ARHGEF37: variants seen among roughly 807,000 people sequenced by gnomAD.
ARHGEF37 encodes Rho guanine nucleotide exchange factor 37.
ARHGEF37 carries 55 observed loss-of-function variants against 71.1 expected under a neutral mutation model. That is an observed-to-expected ratio of 0.77 (90% CI 0.62 to 0.97). The LOEUF is 0.97. ARHGEF37 is among the 50% of genes least tolerant of loss of function. ARHGEF37 has a pLI of 0.00. For synonymous variants in ARHGEF37, 327 were observed against 350.6 expected, an observed-to-expected ratio of 0.93 and a Z score of 0.75; for missense variants, 765 against 836.8, an observed-to-expected ratio of 0.91 and a Z score of 1.06.
At chr5:149,600,646 T>TA (rs1484610534) in intron 2 of ARHGEF37, among the ~76,000 whole-genome samples, 6 of 148,320 alleles carry the variant, frequency 4.0e-5, no homozygotes. Flanking sequence ...AATACCTAAT[T>TA]TTTTTTTTTT....
chr5:149,623,904 G>C, intron 9 of ARHGEF37, 108 bp from the exon 10 acceptor site: 2 of 1,430,712 alleles, frequency 1.4e-6, no homozygotes, highest in Non-Finnish European at 1.9e-6. Context: ...TCAGGACAGA[G>C]TATCACTCAG....
chr5:149,560,820 A>G (rs1032238266), intron 1 of ARHGEF37, among the ~76,000 whole-genome samples: 6 of 152,326 alleles, frequency 3.9e-5, no homozygotes, highest in Middle Eastern at 3.4e-3. Context: ...TGAAGTAGAA[A>G]GAAGAAACTA....
chr5:149,621,605 C>G (rs1166445863), intron 8 of ARHGEF37, 128 bp from the exon 9 acceptor site: 1 of 855,676 alleles, frequency 1.2e-6, no homozygotes, highest in Non-Finnish European at 1.8e-6. Flanking sequence ...AGATAACATG[C>G]TAAAGGTCCC....
chr5:149,595,241 T>C (rs1233162846), intron 1 of ARHGEF37, among the ~76,000 whole-genome samples: 2 of 152,226 alleles, frequency 1.3e-5, no homozygotes, highest in Non-Finnish European at 2.9e-5. Context: ...AGTGGTGCAA[T>C]CTTGGCTTAC....
chr5:149,599,749 T>C (rs184454414), intron 2 of ARHGEF37, among the ~76,000 whole-genome samples: 15 of 152,346 alleles, frequency 9.8e-5, no homozygotes, highest in African/African-American at 3.4e-4. Flanking sequence ...CCCTAGCATT[T>C]GAACTCCATA....
chr5:149,613,096 T>C (rs1415949388), intron 4 of ARHGEF37, among the ~76,000 whole-genome samples: 1 of 152,238 alleles, frequency 6.6e-6, no homozygotes, highest in East Asian at 1.9e-4. Flanking sequence ...TCCAGAATGA[T>C]GGCTGAGGCA....
At chr5:149,572,293 G>A (rs1762977422) in intron 1 of ARHGEF37, among the ~76,000 whole-genome samples, 2 of 152,164 alleles carry the variant, frequency 1.3e-5, no homozygotes, top group East Asian at 1.9e-4. Flanking sequence ...ATCCTCTTAT[G>A]TAACATGGGA....
At chr5:149,557,237 C>G (rs188665640) in intron 1 of ARHGEF37, among the ~76,000 whole-genome samples, 1 of 152,182 alleles carries the variant, frequency 6.6e-6, no homozygotes, top group Non-Finnish European at 1.5e-5. Flanking sequence ...CATGCCATTA[C>G]GCCCGAGACC....
chr5:149,628,089 C>T (rs1752751889), intron 11 of ARHGEF37, among the ~76,000 whole-genome samples: 1 of 152,184 alleles, frequency 6.6e-6, no homozygotes, highest in Non-Finnish European at 1.5e-5. Context: ...AACAGCACTT[C>T]CATGACTTAA....
chr5:149,590,335 G>A (rs983375789), intron 1 of ARHGEF37, among the ~76,000 whole-genome samples: 3 of 148,594 alleles, frequency 2.0e-5, no homozygotes, highest in East Asian at 2.0e-4. Flanking sequence ...AGGCTGGAGT[G>A]CAGTGGCACA....
In ARHGEF37 at chr5:149,634,151, G is replaced by A. The variant is rs1157600904; in HGVS notation, c.*1960G>A. On this transcript the variant is annotated 3_prime_UTR_variant, in exon 13 of 13. Coordinates refer to ENST00000333677, the MANE Select transcript of ARHGEF37 (RefSeq NM_001001669.3). Reference sequence around the variant, plus strand: ...CCACCCAGAGATTCTGATGAAATTGGTTTAGGGTGTGGCTCGGGCCTCAGG... The same window carrying A: ...CCACCCAGAGATTCTGATGAAATTGATTTAGGGTGTGGCTCGGGCCTCAGG... The A allele has an allele frequency of 6.6e-6, 1 of 152,194 alleles. No individual in the cohort carries two copies. Among genetic ancestry groups the A allele is most frequent in the Non-Finnish European group, 1.5e-5 (1 of 68,048 alleles). 9.4% of individuals were successfully genotyped at this position (152,194 alleles called of 1,614,324 possible).
At chr5:149,602,143 G>A (rs546450121) in intron 3 of ARHGEF37, among the ~76,000 whole-genome samples, 2 of 149,776 alleles carry the variant, frequency 1.3e-5, no homozygotes, top group East Asian at 3.9e-4. Context: ...TGCAACCTCC[G>A]CCTCCTGGGT....
chr5:149,626,470 A>G (rs1035371696), intron 10 of ARHGEF37, among the ~76,000 whole-genome samples: 3 of 152,194 alleles, frequency 2.0e-5, no homozygotes, highest in African/African-American at 7.2e-5. Flanking sequence ...CCACCGAATC[A>G]TTCTTTCCAG....
At chr5:149,552,953 G>A (rs999173435) in intron 1 of ARHGEF37, among the ~76,000 whole-genome samples, 4 of 152,188 alleles carry the variant, frequency 2.6e-5, no homozygotes, top group African/African-American at 9.6e-5. Flanking sequence ...AGAGAGAGGG[G>A]AGGAGACTTC....
chr5:149,567,658 G>A (rs146164695), intron 1 of ARHGEF37, among the ~76,000 whole-genome samples: 11 of 152,076 alleles, frequency 7.2e-5, no homozygotes, highest in Admixed American at 3.3e-4. Flanking sequence ...GTTTATTTTC[G>A]TGGTTAAATT....
chr5:149,628,741 A>G (rs565981196), intron 11 of ARHGEF37, 68 bp from the exon 12 acceptor site: 119 of 1,510,806 alleles, frequency 7.9e-5, no homozygotes, highest in Non-Finnish European at 1.0e-4. Context: ...ATATCCATGG[A>G]TTTTCTCCCT....
At chr5:149,572,077 T>A (rs993512190) in intron 1 of ARHGEF37, among the ~76,000 whole-genome samples, 1 of 152,088 alleles carries the variant, frequency 6.6e-6, no homozygotes, top group African/African-American at 2.4e-5. Context: ...ATCAAGAAAG[T>A]GTAATACTGG....
chr5:149,607,755 C>CT (rs67079479), intron 3 of ARHGEF37, among the ~76,000 whole-genome samples: 1,178 of 83,050 alleles, frequency 0.014, 22 homozygotes, highest in African/African-American at 0.027. Flanking sequence ...AAAGAAACTT[C>CT]TTTTTTTTTT....
At chr5:149,597,205 C>T (rs1167477207) in intron 1 of ARHGEF37, among the ~76,000 whole-genome samples, 1 of 151,994 alleles carries the variant, frequency 6.6e-6, no homozygotes, top group African/African-American at 2.4e-5. Context: ...AAAAGCCAGG[C>T]AAGCATGTTG....
Sources: allele counts gnomAD v4.1 joint callset (sites outside exome capture counted in the v4.1 genomes callset), GRCh38; gene constraint gnomAD v4.1.1; transcripts MANE v1.5; gene names NCBI Gene and HGNC (gene_info 2026-07-23, HGNC 2026-07-21).